ABLIM1: variants seen among roughly 807,000 people sequenced by gnomAD.
ABLIM1 encodes the protein actin-binding LIM protein 1.
In ABLIM1, 40 loss-of-function variants were observed where a neutral mutation model predicts 107.0. The observed-to-expected ratio is 0.37, with a 90% CI of 0.29 to 0.49. ABLIM1 has a LOEUF of 0.49. Ranked by LOEUF, ABLIM1 falls within the 20% of genes least tolerant of loss-of-function variation. The pLI, the probability that ABLIM1 is intolerant of heterozygous loss-of-function variation, is 0.97. For synonymous variants in ABLIM1, 357 were observed against 357.3 expected, an observed-to-expected ratio of 1.00 and a Z score of 0.01; for missense variants, 857 against 1,008.5, an observed-to-expected ratio of 0.85 and a Z score of 2.04.
chr10:114,547,834 G>A lies in ABLIM1; in HGVS notation c.674-58C>T, dbSNP rs551912075. The A allele has an allele frequency of 1.3e-3, 2,096 of 1,583,792 alleles. 3 individuals are homozygous for A. The highest frequency in any genetic ancestry group is 1.7e-3 in the Non-Finnish European group (1,983 of 1,169,822). ...CATTTCCTTTGCTAAATCCAAGCAG[G>A]CAGCCCAATTTCAACCCCACTGTGT... On this transcript the variant is annotated intron_variant, in intron 4 of 22. Coordinates refer to ENST00000533213, the MANE Select transcript of ABLIM1 (RefSeq NM_002313.7).
At chr10:114,759,185 A>T (rs1413440483) in intron 1 of ABLIM1, among the ~76,000 whole-genome samples, 2 of 152,186 alleles carry the variant, frequency 1.3e-5, no homozygotes, top group South Asian at 2.1e-4. Flanking sequence ...TCCAAAACTA[A>T]TTTTTTAACG....
At chr10:114,477,722 T>C (rs2056694941) in intron 8 of ABLIM1, among the ~76,000 whole-genome samples, 1 of 152,104 alleles carries the variant, frequency 6.6e-6, no homozygotes, top group Non-Finnish European at 1.5e-5. Context: ...CACTTCAGTT[T>C]CTCTCTCCCT....
At chr10:114,579,702 T>A (rs2073116466) in intron 2 of ABLIM1, among the ~76,000 whole-genome samples, 1 of 152,216 alleles carries the variant, frequency 6.6e-6, no homozygotes, top group African/African-American at 2.4e-5. Flanking sequence ...CACAGAACTC[T>A]TTTCATCTTG....
chr10:114,441,854 G>A (rs2060251573), intron 17 of ABLIM1, 68 bp from the exon 18 acceptor site: 2 of 1,409,004 alleles, frequency 1.4e-6, no homozygotes, highest in Non-Finnish European at 2.0e-6. Flanking sequence ...AATGAAATTG[G>A]CAGTATCTTC....
chr10:114,665,567 T>C (rs1190025188), intron 1 of ABLIM1, among the ~76,000 whole-genome samples: 8 of 152,222 alleles, frequency 5.3e-5, no homozygotes, highest in Non-Finnish European at 1.2e-4. Flanking sequence ...AGAGATAACA[T>C]GGCATGACCT....
At chr10:114,439,368 G>T in intron 20 of ABLIM1, 118 bp from the exon 21 acceptor site, 1 of 998,656 alleles carries the variant, frequency 1.0e-6, no homozygotes, top group Non-Finnish European at 1.6e-6. Flanking sequence ...TTTTATTTGT[G>T]TCATCTAAAT....
chr10:114,571,215 G>T, intron 4 of ABLIM1, 82 bp downstream of exon 4: 1 of 1,168,288 alleles, frequency 8.6e-7, no homozygotes, highest in Non-Finnish European at 1.3e-6. Flanking sequence ...AGCTAACAGC[G>T]TTTCTCAAAA....
intron 8 of ABLIM1, among the ~76,000 whole-genome samples, chr10:114,480,389 A>G (rs1194409904): frequency 2.0e-5 from 3 of 152,238 alleles, no homozygotes; most frequent in Non-Finnish European, 4.4e-5. Flanking sequence ...GCTCACTTCT[A>G]CAGAATAAAG....
intron 2 of ABLIM1, among the ~76,000 whole-genome samples, chr10:114,583,452 CACACACACACACACACATAT>C (rs1566008776): frequency 3.7e-5 from 1 of 26,830 alleles, no homozygotes; most frequent in Non-Finnish European, 7.5e-5. Flanking sequence ...CACACACACA[CACACACACACACACACATAT>C]ATATATATAT....
At chr10:114,559,463 G>GAAAAAAAA (rs1565932452) in intron 4 of ABLIM1, among the ~76,000 whole-genome samples, 34 of 38,114 alleles carry the variant, frequency 8.9e-4, no homozygotes, top group Middle Eastern at 0.028. Flanking sequence ...AAAAAAAAAA[G>GAAAAAAAA]AAAGAAAGAA....
chr10:114,547,564 G>A (rs2067514785), intron 5 of ABLIM1, 86 bp downstream of exon 5: 2 of 1,567,310 alleles, frequency 1.3e-6, no homozygotes, highest in African/African-American at 2.7e-5. Context: ...CCATTGATGG[G>A]GTGGGGCCCC....
At chr10:114,550,649 C>T (rs1470152380) in intron 4 of ABLIM1, among the ~76,000 whole-genome samples, 2 of 152,140 alleles carry the variant, frequency 1.3e-5, no homozygotes, top group Non-Finnish European at 2.9e-5. Flanking sequence ...CATGTACCCG[C>T]TCTTATAGTA....
At chr10:114,569,908 A>G (rs2071401236) in intron 4 of ABLIM1, among the ~76,000 whole-genome samples, 1 of 152,180 alleles carries the variant, frequency 6.6e-6, no homozygotes, top group African/African-American at 2.4e-5. Flanking sequence ...ATGTGCTAAT[A>G]TGTGTATTTT....
chr10:114,523,913 G>A (rs571162998), intron 6 of ABLIM1, among the ~76,000 whole-genome samples: 5 of 152,170 alleles, frequency 3.3e-5, no homozygotes, highest in African/African-American at 1.2e-4. Context: ...CTACTGAATG[G>A]GGGGAGAGGG....
At chr10:114,464,208 T>C (rs1440022938) in intron 12 of ABLIM1, among the ~76,000 whole-genome samples, 2 of 147,612 alleles carry the variant, frequency 1.4e-5, no homozygotes, top group Non-Finnish European at 1.5e-5. Context: ...TTTTTTGAGA[T>C]GGAGTCTTGC....
At chr10:114,716,946 T>C (rs950961818) in intron 1 of ABLIM1, among the ~76,000 whole-genome samples, 1 of 152,040 alleles carries the variant, frequency 6.6e-6, no homozygotes, top group Non-Finnish European at 1.5e-5. Flanking sequence ...ATGGAACTTA[T>C]ATTTACCATA....
chr10:114,603,771 C>T (rs571211494), intron 1 of ABLIM1, among the ~76,000 whole-genome samples: 1 of 151,630 alleles, frequency 6.6e-6, no homozygotes, highest in Non-Finnish European at 1.5e-5. Flanking sequence ...CTGGCCAACA[C>T]GGTGAAACCC....
chr10:114,674,928 A>T lies in ABLIM1; in HGVS notation c.64+9362T>A, dbSNP rs550846341. Among the ~76,000 whole-genome samples, 42 of 152,228 alleles carry T rather than the reference A, an allele frequency of 2.8e-4. 1 individual carries two copies. The South Asian group carries it at 8.7e-3, about 32-fold the overall frequency. Reference sequence around the variant, plus strand: ...GGCAGTTTCTGCCCAGAATTCCCTGACCTAATCTTTCTCCTTAGAACCTCT... The same window carrying T: ...GGCAGTTTCTGCCCAGAATTCCCTGTCCTAATCTTTCTCCTTAGAACCTCT... On this transcript the variant is annotated intron_variant, in intron 1 of 23. Transcript: ENST00000369256.
chr10:114,586,511 A>G (rs2074212693), intron 2 of ABLIM1, among the ~76,000 whole-genome samples: 1 of 152,226 alleles, frequency 6.6e-6, no homozygotes, highest in Non-Finnish European at 1.5e-5. Context: ...ATGGTCTTTA[A>G]GTATATCATG....
Sources: gnomAD v4.1 joint callset for allele counts (sites outside exome capture counted in the v4.1 genomes callset) on GRCh38, gnomAD v4.1.1 for gene constraint, MANE v1.5 for transcripts, NCBI Gene and HGNC (gene_info 2026-07-23, HGNC 2026-07-21) for gene names.